GPC6: variants seen among roughly 807,000 people sequenced by gnomAD.
GPC6 encodes the protein glypican-6.
In GPC6, 14 loss-of-function variants were observed where a neutral mutation model predicts 55.2. That is an observed-to-expected ratio of 0.25 (90% CI 0.17 to 0.40). The LOEUF (loss-of-function observed/expected upper bound fraction) is 0.40. GPC6 is among the 10% of genes least tolerant of loss of function. GPC6 has a pLI of 1.00. For synonymous variants in GPC6, 278 were observed against 259.6 expected (o/e 1.07, Z -0.68); for missense variants, 641 against 708.5 (o/e 0.90, Z 1.08).
At chr13:94,079,508 A>T (rs1885032409) in intron 4 of GPC6, among the ~76,000 whole-genome samples, 1 of 152,126 alleles carries the variant, frequency 6.6e-6, no homozygotes, top group Admixed American at 6.6e-5. Flanking sequence ...GTCTCTGCAG[A>T]TGATGTATTT....
chr13:93,483,767 A>G (rs1294929425), intron 1 of GPC6, among the ~76,000 whole-genome samples: 1 of 152,164 alleles, frequency 6.6e-6, no homozygotes, highest in African/African-American at 2.4e-5. Flanking sequence ...GTGTTTCTAA[A>G]TGGTGGCTGC....
At chr13:93,752,357 G>T (rs1229649308) in intron 2 of GPC6, among the ~76,000 whole-genome samples, 1 of 151,724 alleles carries the variant, frequency 6.6e-6, no homozygotes, top group Non-Finnish European at 1.5e-5. Context: ...GTAAGTCAAG[G>T]CTGAGATGTT....
intron 4 of GPC6, among the ~76,000 whole-genome samples, chr13:94,191,612 A>G (rs953896766): frequency 7.3e-5 from 11 of 151,258 alleles, no homozygotes; most frequent in African/African-American, 2.7e-4. Flanking sequence ...TAAGCTGGAA[A>G]AAAAAAAAAA....
intron 1 of GPC6, among the ~76,000 whole-genome samples, chr13:93,530,718 G>A (rs1566407156): frequency 6.6e-6 from 1 of 151,920 alleles, no homozygotes; most frequent in East Asian, 1.9e-4. Context: ...AATAAAAATG[G>A]TGGACCCCAA....
intron 3 of GPC6, among the ~76,000 whole-genome samples, chr13:93,987,470 C>T (rs1881082310): frequency 6.6e-6 from 1 of 152,116 alleles, no homozygotes; most frequent in Non-Finnish European, 1.5e-5. Flanking sequence ...TTAACACATC[C>T]AGTAAAGATT....
At chr13:93,735,706 A>G (rs549522515) in intron 2 of GPC6, among the ~76,000 whole-genome samples, 1 of 152,286 alleles carries the variant, frequency 6.6e-6, no homozygotes, top group African/African-American at 2.4e-5. Context: ...CAAAGCCAAA[A>G]TAATAATCAC....
At chr13:93,276,499 T>A (rs1052930700) in intron 1 of GPC6, among the ~76,000 whole-genome samples, 367 of 86,648 alleles carry the variant, frequency 4.2e-3, no homozygotes, top group East Asian at 0.019. Flanking sequence ...AGAGAGAGTG[T>A]GTGTGTGTGT....
chr13:94,305,186 A>T (rs1015287874), intron 5 of GPC6, among the ~76,000 whole-genome samples: 8 of 152,222 alleles, frequency 5.3e-5, no homozygotes, highest in Admixed American at 3.3e-4. Context: ...AAGTCACTGC[A>T]AACATTGACT....
intron 1 of GPC6, among the ~76,000 whole-genome samples, chr13:93,383,446 G>C (rs1449557643): frequency 6.6e-6 from 1 of 152,076 alleles, no homozygotes; most frequent in Non-Finnish European, 1.5e-5. Context: ...GGAACTCCTG[G>C]CCTCAAGCAA....
At chr13:94,320,666 A>G (rs970728064) in intron 6 of GPC6, among the ~76,000 whole-genome samples, 1 of 152,130 alleles carries the variant, frequency 6.6e-6, no homozygotes, top group African/African-American at 2.4e-5. Context: ...ATCAAGGCTT[A>G]AGGTCATCTG....
chr13:93,824,325 G>A (rs1887158906), intron 2 of GPC6, among the ~76,000 whole-genome samples: 1 of 152,226 alleles, frequency 6.6e-6, no homozygotes, highest in Non-Finnish European at 1.5e-5. Flanking sequence ...TTGAGTGGAA[G>A]AAGGCTTTAT....
intron 6 of GPC6, among the ~76,000 whole-genome samples, chr13:94,361,600 A>G (rs1422900978): frequency 1.3e-5 from 2 of 152,272 alleles, no homozygotes; most frequent in Non-Finnish European, 2.9e-5. Flanking sequence ...TCGGAAATCC[A>G]GGCTCCTCCT....
intron 2 of GPC6, among the ~76,000 whole-genome samples, chr13:93,662,909 G>A (rs1308936981): frequency 6.6e-6 from 1 of 151,946 alleles, no homozygotes; most frequent in East Asian, 1.9e-4. Context: ...ACTCAATAGA[G>A]TTAATCAGAA....
At chr13:93,898,837 C>A (rs2183427) in intron 3 of GPC6, among the ~76,000 whole-genome samples, 1 of 150,560 alleles carries the variant, frequency 6.6e-6, no homozygotes, top group East Asian at 2.0e-4. Flanking sequence ...CCAGGAAGAG[C>A]AAAGCAAGCA....
chr13:93,461,432 T>C (rs1344632218), intron 1 of GPC6, among the ~76,000 whole-genome samples: 1 of 152,184 alleles, frequency 6.6e-6, no homozygotes, highest in African/African-American at 2.4e-5. Flanking sequence ...AGTAAAGTAT[T>C]ATTCTTTTAA....
intron 4 of GPC6, among the ~76,000 whole-genome samples, chr13:94,066,403 C>T (rs1181939402): frequency 6.6e-6 from 1 of 151,948 alleles, no homozygotes; most frequent in Non-Finnish European, 1.5e-5. Flanking sequence ...TACACTTTTT[C>T]AATATTATTT....
At chr13:93,612,328 T>A (rs542946024) in intron 2 of GPC6, among the ~76,000 whole-genome samples, 1 of 152,218 alleles carries the variant, frequency 6.6e-6, no homozygotes, top group East Asian at 1.9e-4. Flanking sequence ...TGAAACCCTG[T>A]CTCTACTAAA....
chr13:94,003,236 G>A (rs1459139824), intron 3 of GPC6, among the ~76,000 whole-genome samples: 2 of 152,190 alleles, frequency 1.3e-5, no homozygotes, highest in African/African-American at 2.4e-5. Flanking sequence ...TGTCAAAGGT[G>A]TATTTAAGCA....
At position 93,368,390 on chromosome 13, in the gene GPC6, G is replaced by GTCCTTCCTTCCTTCCT. The variant is rs1168320888; in HGVS notation, c.160+140786_160+140801dup. On this transcript the variant is annotated intron_variant, in intron 1 of 8. Coordinates refer to ENST00000377047, the MANE Select transcript of GPC6 (RefSeq NM_005708.5). ...CTTCCTTCCTTCCTTCCTTCCTTCC[G>GTCCTTCCTTCCTTCCT]TCCTTCCTTCCTTCCTTCCTTCCTT... Among the ~76,000 whole-genome samples the GTCCTTCCTTCCTTCCT allele has an allele frequency of 2.5e-3, 143 of 56,288 alleles. 2 individuals carry two copies. Among genetic ancestry groups the GTCCTTCCTTCCTTCCT allele is most frequent in the East Asian group, 0.018 (40 of 2,194 alleles). 36.9% of individuals were successfully genotyped at this position (56,288 alleles called of 152,430 possible). A position where few individuals can be genotyped will look rare whatever the true frequency, so the allele number is the denominator to read the frequency against.
Sources: allele counts gnomAD v4.1 joint callset (sites outside exome capture counted in the v4.1 genomes callset), GRCh38; gene constraint gnomAD v4.1.1; transcripts MANE v1.5; gene names NCBI Gene and HGNC (gene_info 2026-07-23, HGNC 2026-07-21).